Variants in EPHA5 observed in about 807,000 individuals in gnomAD.
EPHA5 encodes the protein ephrin type-A receptor 5.
Under a neutral mutation model 105.0 loss-of-function variants are expected in EPHA5, and 60 were observed. That is an observed-to-expected ratio of 0.57 (90% CI 0.46 to 0.71). The LOEUF (loss-of-function observed/expected upper bound fraction) is 0.71, where lower values mean the gene tolerates loss of function less well. Among genes scored for constraint, EPHA5 ranks in the 30% least tolerant of loss-of-function variants. EPHA5 has a pLI of 0.00. For missense variants in EPHA5, 1,218 were observed against 1,274.7 expected (o/e 0.96, Z 0.68); for synonymous variants, 513 against 449.1 (o/e 1.14, Z -1.80).
At chr4:65,530,651 A>G (rs1478638746) in intron 3 of EPHA5, among the ~76,000 whole-genome samples, 1 of 152,216 alleles carries the variant, frequency 6.6e-6, no homozygotes, top group Non-Finnish European at 1.5e-5. Context: ...GTGTAAGGCA[A>G]TTTCTGAATG....
intron 5 of EPHA5, among the ~76,000 whole-genome samples, chr4:65,436,328 C>T (rs1443260509): frequency 1.3e-5 from 2 of 151,574 alleles, no homozygotes; most frequent in Non-Finnish European, 3.0e-5. Context: ...CTATCAAGAT[C>T]TACTAAAATA....
chr4:65,431,944 T>G (rs1725021328), intron 5 of EPHA5, among the ~76,000 whole-genome samples: 1 of 152,102 alleles, frequency 6.6e-6, no homozygotes, highest in African/African-American at 2.4e-5. Flanking sequence ...GAAAGTGGTA[T>G]GAGATATTTC....
chr4:65,556,603 A>G lies in EPHA5; in HGVS notation c.910+45038T>C, dbSNP rs201567902. The stretch of plus-strand genomic sequence containing the variant: ...TCACAGTGATCCAAGTCACATGTGG[A>G]ACAATTTCATATAATTTAGAGGATT... On this transcript the variant is annotated intron_variant, in intron 3 of 16. Transcript: ENST00000613740. Among the ~76,000 whole-genome samples the G allele has an allele frequency of 1.1e-4, 17 of 152,292 alleles. No homozygotes were observed. The East Asian group carries it at 3.3e-3, about 29-fold the overall frequency.
chr4:65,480,751 T>C (rs1730276331), intron 5 of EPHA5, among the ~76,000 whole-genome samples: 2 of 152,188 alleles, frequency 1.3e-5, no homozygotes, highest in Admixed American at 6.6e-5. Flanking sequence ...TAAATTTATA[T>C]TCTAATGTTT....
chr4:65,650,931 C>A (rs1748555888), intron 1 of EPHA5, among the ~76,000 whole-genome samples: 2 of 152,102 alleles, frequency 1.3e-5, no homozygotes, highest in African/African-American at 4.8e-5. Context: ...CAGGGTTTTT[C>A]TTTTCCAGTT....
intron 2 of EPHA5, among the ~76,000 whole-genome samples, chr4:65,640,364 C>A (rs1254121795): frequency 2.0e-5 from 3 of 146,914 alleles, no homozygotes; most frequent in East Asian, 4.1e-4. Context: ...TGGCTCACTG[C>A]AAGCTCCACC....
intron 13 of EPHA5, 110 bp from the exon 14 acceptor site, chr4:65,348,313 C>T: frequency 1.0e-6 from 1 of 1,001,616 alleles, no homozygotes; most frequent in African/African-American, 1.6e-5. Flanking sequence ...TTAAGTGAAT[C>T]TGTTTGACAG....
At position 65,595,737 on chromosome 4, in the gene EPHA5, C is replaced by G. The variant is rs181691105; in HGVS notation, c.910+5904G>C. ...CTGGGATTACAGGCTCCCGCCACCA[C>G]GCCGGGCTAATTTTTTGTATATTTA... is the stretch of plus-strand genomic sequence containing the variant. On this transcript the variant is annotated intron_variant, in intron 3 of 16. Coordinates refer to ENST00000613740, the MANE Select transcript of EPHA5 (RefSeq NM_001281766.3). 5.3e-5 allele frequency among the ~76,000 whole-genome samples: 8 copies of G among 152,106 alleles called. No homozygotes were observed. The East Asian group carries it at 1.6e-3, about 30-fold the overall frequency.
At chr4:65,530,033 A>C (rs978513860) in intron 3 of EPHA5, among the ~76,000 whole-genome samples, 1 of 152,152 alleles carries the variant, frequency 6.6e-6, no homozygotes, top group Non-Finnish European at 1.5e-5. Flanking sequence ...CTTTGTTGTG[A>C]CAGGTGCCAG....
rs569632297 is a variant in EPHA5, at chr4:65,611,671, T to C, written c.247-9367A>G. The stretch of plus-strand genomic sequence containing the variant: ...AGTCCTCATTTTTCAGTAGATAATA[T>C]TATGCTTCTGATGCAAGATTTGACA... On this transcript the variant is annotated intron_variant, in intron 2 of 16. Transcript: ENST00000613740. Among the ~76,000 whole-genome samples, 4 of 152,260 alleles carry C rather than the reference T, an allele frequency of 2.6e-5. No individual in the cohort carries two copies. The East Asian group carries it at 7.7e-4, about 29-fold the overall frequency.
chr4:65,609,268 G>T (rs762008045), intron 2 of EPHA5, among the ~76,000 whole-genome samples: 1 of 152,024 alleles, frequency 6.6e-6, no homozygotes, highest in Non-Finnish European at 1.5e-5. Flanking sequence ...TCAAAACCTT[G>T]TTATATTTCC....
intron 8 of EPHA5, 128 bp downstream of exon 8, chr4:65,404,246 T>C: frequency 1.5e-6 from 1 of 661,734 alleles, no homozygotes. Flanking sequence ...TTGCATCATG[T>C]ATTGAGATTA....
chr4:65,436,445 A>C (rs749358518), intron 5 of EPHA5, among the ~76,000 whole-genome samples: 4 of 151,962 alleles, frequency 2.6e-5, no homozygotes, highest in African/African-American at 7.2e-5. Context: ...GTCATATTTT[A>C]AACTCCTGGT....
chr4:65,643,327 T>G, intron 2 of EPHA5, 36 bp downstream of exon 2: 4 of 1,512,650 alleles, frequency 2.6e-6, no homozygotes, highest in Non-Finnish European at 3.7e-6. Context: ...CTTACGCACA[T>G]AGCTTAAGTT....
intron 4 of EPHA5, among the ~76,000 whole-genome samples, chr4:65,495,030 A>C (rs940544155): frequency 9.9e-5 from 15 of 152,052 alleles, no homozygotes; most frequent in Non-Finnish European, 1.0e-4. Flanking sequence ...GAAGAGGAAG[A>C]GGAGGAAGGA....
rs752337567 is a variant in EPHA5, at chr4:65,603,926, G to T, written c.247-1622C>A. Among the ~76,000 whole-genome samples, 80 of 151,464 alleles carry T rather than the reference G, an allele frequency of 5.3e-4. No individual in the cohort carries two copies. The Middle Eastern group carries it at 9.5e-3, about 18-fold the overall frequency. On this transcript the variant is annotated intron_variant, in intron 2 of 16. Coordinates refer to ENST00000613740, the MANE Select transcript of EPHA5 (RefSeq NM_001281766.3). ...TATCAATCTCTTTATATTATAAATG[G>T]CACCAAATATTATGATCAATATTTC... is the stretch of plus-strand genomic sequence containing the variant.
chr4:65,352,969 G>GCAT, intron 12 of EPHA5, 73 bp downstream of exon 12: 1 of 1,013,832 alleles, frequency 9.9e-7, no homozygotes, highest in Non-Finnish European at 1.4e-6. Flanking sequence ...CAACATCACA[G>GCAT]CATCATCATC....
chr4:65,566,502 C>T (rs993516775), intron 3 of EPHA5, among the ~76,000 whole-genome samples: 5 of 151,710 alleles, frequency 3.3e-5, no homozygotes, highest in Non-Finnish European at 7.4e-5. Flanking sequence ...CAATTTCACG[C>T]CCTTTCTTCA....
chr4:65,480,783 A>G (rs1348095949), intron 5 of EPHA5, among the ~76,000 whole-genome samples: 1 of 152,150 alleles, frequency 6.6e-6, no homozygotes, highest in Non-Finnish European at 1.5e-5. Flanking sequence ...CAATGAGTCT[A>G]TGAGCCACTT....
Sources: allele counts gnomAD v4.1 joint callset (sites outside exome capture counted in the v4.1 genomes callset), GRCh38; gene constraint gnomAD v4.1.1; transcripts MANE v1.5; gene names NCBI Gene and HGNC (gene_info 2026-07-23, HGNC 2026-07-21).